CACNA2D3: variants seen among roughly 807,000 people sequenced by gnomAD.
CACNA2D3 encodes voltage-dependent calcium channel subunit alpha-2/delta-3.
In CACNA2D3, 60 loss-of-function variants were observed where a neutral mutation model predicts 160.6. The ratio of observed to expected loss-of-function variants is 0.37; its 90% confidence interval spans 0.30 to 0.46. The LOEUF is 0.46. Ranked by LOEUF, CACNA2D3 falls within the 20% of genes least tolerant of loss-of-function variation. CACNA2D3 has a pLI of 1.00. For synonymous variants in CACNA2D3, 558 were observed against 492.9 expected (o/e 1.13, Z -1.75); for missense variants, 1,205 against 1,365.0 (o/e 0.88, Z 1.85).
intron 18 of CACNA2D3, among the ~76,000 whole-genome samples, chr3:54,872,822 TC>T (rs1388906032): frequency 6.6e-6 from 1 of 152,102 alleles, no homozygotes; most frequent in Non-Finnish European, 1.5e-5. Context: ...CATACCCTTT[TC>T]CCCGCAAGCC....
At chr3:54,479,647 A>G (rs1449897946) in intron 4 of CACNA2D3, among the ~76,000 whole-genome samples, 1 of 152,160 alleles carries the variant, frequency 6.6e-6, no homozygotes, top group Non-Finnish European at 1.5e-5. Flanking sequence ...TCAGAAACCG[A>G]TAGGAGAGAA....
chr3:54,434,697 C>T lies in CACNA2D3; in HGVS notation c.381+47923C>T, dbSNP rs139414007. On this transcript the variant is annotated intron_variant, in intron 4 of 37. Coordinates refer to ENST00000474759, the MANE Select transcript of CACNA2D3 (RefSeq NM_018398.3). Reference sequence around the variant, plus strand: ...AGACACAGTCAGGGGTCAGGCCCACCCAACCAGGAGGGTCTCCATCTGGAG... The same window carrying T: ...AGACACAGTCAGGGGTCAGGCCCACTCAACCAGGAGGGTCTCCATCTGGAG... Among the ~76,000 whole-genome samples the T allele has an allele frequency of 2.1e-3, 323 of 152,276 alleles. 1 individual carries two copies. The highest frequency in any genetic ancestry group is 6.9e-3 in the African/African-American group (288 of 41,552).
chr3:54,656,736 G>A (rs1221975539), intron 11 of CACNA2D3, among the ~76,000 whole-genome samples: 1 of 152,202 alleles, frequency 6.6e-6, no homozygotes. Flanking sequence ...ATTCTCAGAT[G>A]GATTTGTTTT....
intron 11 of CACNA2D3, among the ~76,000 whole-genome samples, chr3:54,714,325 T>C (rs923682245): frequency 2.6e-5 from 4 of 152,182 alleles, no homozygotes; most frequent in African/African-American, 9.7e-5. Flanking sequence ...TGAAGCTCTT[T>C]CATTTATGGA....
At chr3:54,287,043 C>T (rs1703047658) in intron 2 of CACNA2D3, among the ~76,000 whole-genome samples, 1 of 152,006 alleles carries the variant, frequency 6.6e-6, no homozygotes, top group Non-Finnish European at 1.5e-5. Flanking sequence ...CACCAGCTAA[C>T]ATCATAAGGA....
chr3:54,317,636 G>A (rs1402443847), intron 2 of CACNA2D3, among the ~76,000 whole-genome samples: 2 of 152,062 alleles, frequency 1.3e-5, no homozygotes, highest in East Asian at 3.9e-4. Flanking sequence ...CTCCCAGGTT[G>A]AAGTGATTCT....
chr3:54,918,332 CTTTTTTTTTTTTTTTTTT>C (rs533596688), intron 27 of CACNA2D3: 4 of 228,022 alleles, frequency 1.8e-5, no homozygotes, highest in African/African-American at 1.1e-4. Context: ...TTTTTTTTTT[CTTTTTTTTTTTTTTTTTT>C]TTTTTGTCTT....
chr3:54,915,010 G>A (rs943058398), intron 27 of CACNA2D3, among the ~76,000 whole-genome samples: 15 of 152,196 alleles, frequency 9.9e-5, no homozygotes, highest in African/African-American at 3.6e-4. Flanking sequence ...AAGGTGTCTT[G>A]TTTCAGGGGT....
At chr3:54,694,370 CACA>C (rs1436504876) in intron 11 of CACNA2D3, among the ~76,000 whole-genome samples, 1 of 152,176 alleles carries the variant, frequency 6.6e-6, no homozygotes, top group Non-Finnish European at 1.5e-5. Context: ...ATGGTGTTCA[CACA>C]ACAACCAAAT....
intron 11 of CACNA2D3, among the ~76,000 whole-genome samples, chr3:54,676,329 A>C (rs977477612): frequency 6.6e-6 from 1 of 152,116 alleles, no homozygotes; most frequent in East Asian, 1.9e-4. Flanking sequence ...GAATGGTTTT[A>C]TTGCTAGCTT....
chr3:54,822,796 TTTCTTTCTTTCTTTC>T (rs1703656440), intron 14 of CACNA2D3, among the ~76,000 whole-genome samples: 1 of 90,536 alleles, frequency 1.1e-5, no homozygotes, highest in African/African-American at 5.0e-5. Flanking sequence ...CTTTCCTTTC[TTTCTTTCTTTCTTTC>T]TTTCTTTCTT....
chr3:55,036,613 G>A (rs113980322), intron 35 of CACNA2D3, among the ~76,000 whole-genome samples: 5 of 151,636 alleles, frequency 3.3e-5, no homozygotes, highest in East Asian at 2.0e-4. Context: ...GATTACAGGC[G>A]TGTGCCACCA....
At chr3:54,382,169 G>A (rs866499378) in intron 3 of CACNA2D3, among the ~76,000 whole-genome samples, 7 of 152,070 alleles carry the variant, frequency 4.6e-5, no homozygotes, top group African/African-American at 1.7e-4. Context: ...CCTAAAAAAG[G>A]AATTCATATA....
At chr3:54,403,808 T>G (rs185119608) in intron 4 of CACNA2D3, among the ~76,000 whole-genome samples, 32 of 152,148 alleles carry the variant, frequency 2.1e-4, no homozygotes, top group African/African-American at 7.7e-4. Context: ...AGTGGAGACA[T>G]TATAACAGAA....
chr3:54,599,204 T>G (rs1043486243), intron 9 of CACNA2D3, among the ~76,000 whole-genome samples: 2 of 152,190 alleles, frequency 1.3e-5, no homozygotes, highest in African/African-American at 4.8e-5. Flanking sequence ...CTCCTGACTT[T>G]CCACAGCCTC....
intron 30 of CACNA2D3, among the ~76,000 whole-genome samples, chr3:54,986,273 G>C (rs1326928550): frequency 6.6e-6 from 1 of 152,110 alleles, no homozygotes; most frequent in African/African-American, 2.4e-5. Context: ...CAGATTCTCT[G>C]CTCTATGTCT....
At chr3:54,350,193 T>A (rs1257678821) in intron 3 of CACNA2D3, among the ~76,000 whole-genome samples, 1 of 152,312 alleles carries the variant, frequency 6.6e-6, no homozygotes, top group Non-Finnish European at 1.5e-5. Flanking sequence ...CTCTTTTTTT[T>A]ATTTATTTAT....
chr3:54,321,922 C>CAA (rs1214395409), intron 3 of CACNA2D3, among the ~76,000 whole-genome samples: 3,193 of 100,066 alleles, frequency 0.032, 105 homozygotes, highest in African/African-American at 0.072. Context: ...GAAATCCTTG[C>CAA]AAAAAAAAAA....
chr3:54,775,537 A>C (rs1335005112), intron 13 of CACNA2D3, among the ~76,000 whole-genome samples: 1 of 152,186 alleles, frequency 6.6e-6, no homozygotes, highest in African/African-American at 2.4e-5. Flanking sequence ...ACCTCTGAGA[A>C]TAGTCGTATA....
Sources: gnomAD v4.1 joint callset for allele counts (sites outside exome capture counted in the v4.1 genomes callset) on GRCh38, gnomAD v4.1.1 for gene constraint, MANE v1.5 for transcripts, NCBI Gene and HGNC (gene_info 2026-07-23, HGNC 2026-07-21) for gene names.